ELL2: variants seen among roughly 807,000 people sequenced by gnomAD.
ELL2 encodes RNA polymerase II elongation factor ELL2.
ELL2 carries 21 observed loss-of-function variants against 72.8 expected under a neutral mutation model. The ratio of observed to expected loss-of-function variants is 0.29; its 90% CI spans 0.20 to 0.42. ELL2 has a LOEUF of 0.42. Ranked by LOEUF, ELL2 falls within the 10% of genes least tolerant of loss-of-function variation. ELL2 has a pLI of 1.00. For synonymous variants in ELL2, 266 were observed against 283.2 expected (o/e 0.94, Z 0.61); for missense variants, 568 against 772.8 (o/e 0.73, Z 3.14).
intron 2 of ELL2, among the ~76,000 whole-genome samples, chr5:95,927,308 T>C (rs987062155): frequency 6.7e-6 from 1 of 149,664 alleles, no homozygotes; most frequent in African/African-American, 2.5e-5. Flanking sequence ...CAAGGATGAC[T>C]CCAGGGTATT....
At chr5:95,961,187 C>T (rs1242012682) in intron 1 of ELL2, among the ~76,000 whole-genome samples, 1 of 152,096 alleles carries the variant, frequency 6.6e-6, no homozygotes, top group African/African-American at 2.4e-5. Flanking sequence ...CTTGCCCATA[C>T]GCTGCTCGCT....
In ELL2 at chr5:95,961,708, C is replaced by A; in HGVS notation, c.14G>T (p.Gly5Val). The A allele has an allele frequency of 6.2e-7, 1 of 1,605,484 alleles. No individual in the cohort carries two copies. The highest frequency in any genetic ancestry group is 1.7e-5 in the Admixed American group (1 of 59,312). The change falls in exon 1 of 12, where the codon GGG (glycine) becomes GTG (valine). Residue 5 changes from glycine (G) to valine (V), a missense_variant. Around this residue, in one of 2 missense-constraint regions of ELL2, gnomAD observed 57 missense variants for 44.4 expected, o/e 1.28. Transcript: ENST00000237853. Reference sequence around the variant, plus strand: ...CTGCTCCTCCCGCAGGCCCCCTGTCCCCCCCGCCGCCATCTTAAACTCCCC... The same window carrying A: ...CTGCTCCTCCCGCAGGCCCCCTGTCACCCCCGCCGCCATCTTAAACTCCCC... MAAG[G>V]TGGLREEQRY...
chr5:95,919,640 T>G, intron 2 of ELL2, 95 bp from the exon 3 acceptor site: 1 of 1,417,428 alleles, frequency 7.1e-7, no homozygotes, highest in Non-Finnish European at 9.4e-7. Flanking sequence ...GTGAAAATCA[T>G]TTTAGACCTA....
rs570553516 is a variant in ELL2 at position 95,910,661 on chromosome 5, T to C, written c.481+3110A>G. 7.9e-5 allele frequency among the ~76,000 whole-genome samples: 12 copies of C among 152,254 alleles called. No homozygotes were observed. The East Asian group carries it at 2.3e-3, about 29-fold the overall frequency. ...TGACCCCTAGGAACACAGTCTTCAT[T>C]GCCTCAAACTGGCCTTCCTCCCTAG... On this transcript the variant is annotated intron_variant, in intron 4 of 11. Transcript: ENST00000237853.
intron 8 of ELL2, among the ~76,000 whole-genome samples, chr5:95,896,844 G>A (rs1748895645): frequency 6.6e-6 from 1 of 152,188 alleles, no homozygotes. Context: ...TTGGAACTCT[G>A]ATGTAGATCT....
intron 2 of ELL2, among the ~76,000 whole-genome samples, chr5:95,922,636 T>C (rs1299885341): frequency 6.6e-6 from 1 of 151,664 alleles, no homozygotes; most frequent in East Asian, 1.9e-4. Context: ...CTTTTTAAGG[T>C]AAAATAATTA....
Position 95,931,978 on chromosome 5 carries a change from G to GTTT in ELL2, c.195+11021_195+11023dup, listed in dbSNP as rs10627430. ...ACAGTATTTTAAAGTCTGTGGGGGT[G>GTTT]TTTTTTTTTTTTTGTATCAAGCTAT... On this transcript the variant is annotated intron_variant, in intron 2 of 11. Transcript: ENST00000237853. 1.0e-3 allele frequency among the ~76,000 whole-genome samples: 141 copies of GTTT among 140,762 alleles called. 1 individual carries two copies. The highest frequency in any genetic ancestry group is 3.0e-3 in the African/African-American group (116 of 38,952). The allele number at this position is 140,762 out of a possible 152,430, so 92.3% of individuals were successfully genotyped here. A position where few individuals can be genotyped will look rare whatever the true frequency, so the allele number is the denominator to read the frequency against.
At chr5:95,923,638 C>T (rs1014974647) in intron 2 of ELL2, among the ~76,000 whole-genome samples, 6 of 151,876 alleles carry the variant, frequency 4.0e-5, no homozygotes, top group Non-Finnish European at 7.4e-5. Flanking sequence ...TTGGTAGTTT[C>T]AGAGCAGCAT....
intron 8 of ELL2, 59 bp downstream of exon 8, chr5:95,898,181 A>G: frequency 7.5e-7 from 1 of 1,334,034 alleles, no homozygotes; most frequent in African/African-American, 1.5e-5. Flanking sequence ...CTAATTATAA[A>G]CTGTGTAATT....
At chr5:95,953,756 G>A (rs1450409581) in intron 1 of ELL2, among the ~76,000 whole-genome samples, 1 of 152,232 alleles carries the variant, frequency 6.6e-6, no homozygotes, top group African/African-American at 2.4e-5. Context: ...TAGAGGTAAT[G>A]TGAGGTAATT....
At chr5:95,895,234 G>A (rs1479833898) in intron 9 of ELL2, among the ~76,000 whole-genome samples, 2 of 152,218 alleles carry the variant, frequency 1.3e-5, no homozygotes, top group Non-Finnish European at 2.9e-5. Context: ...GTATTATTAT[G>A]TGCAGAGGTT....
chr5:95,898,356 T>G lies in ELL2; in HGVS notation c.1409A>C (p.Lys470Thr), dbSNP rs745975751. Residue 470 changes from lysine (K) to threonine (T), a missense_variant, in exon 8 of 12, where the codon AAG becomes ACG. This residue lies in a region of ELL2 where 511 missense variants were observed against 728.4 expected (regional missense o/e 0.70). Coordinates refer to ENST00000237853, the MANE Select transcript of ELL2 (RefSeq NM_012081.6). The stretch of plus-strand genomic sequence containing the variant: ...GTGCTTTTTTATTTGGTCCTTTTCC[T>G]TATGTTTTTTAGACTTCTTTTTGGA... ...KKSKKKSKKHKEKDQIKKHDI... is the reference protein window; with the variant it reads ...KKSKKKSKKHTEKDQIKKHDI... 9.6e-5 allele frequency: 155 copies of G among 1,613,582 alleles called. No homozygotes were observed. Among genetic ancestry groups the G allele is most frequent in the Non-Finnish European group, 1.2e-4 (141 of 1,179,878 alleles).
chr5:95,920,647 G>T (rs1461889497), intron 2 of ELL2, among the ~76,000 whole-genome samples: 1 of 151,890 alleles, frequency 6.6e-6, no homozygotes, highest in East Asian at 1.9e-4. Flanking sequence ...TATGTAGTAG[G>T]GGCTCAAAAA....
chr5:95,943,339 T>A (rs1178902805), intron 1 of ELL2, among the ~76,000 whole-genome samples: 1 of 152,120 alleles, frequency 6.6e-6, no homozygotes, highest in Non-Finnish European at 1.5e-5. Context: ...CTCTTTTCAT[T>A]ATATACTTTC....
chr5:95,925,762 G>A (rs1750259149), intron 2 of ELL2, among the ~76,000 whole-genome samples: 1 of 152,092 alleles, frequency 6.6e-6, no homozygotes, highest in African/African-American at 2.4e-5. Context: ...TTTGCTGTGG[G>A]TCTTTTCATA....
chr5:95,960,522 A>C (rs1463070857), intron 1 of ELL2, among the ~76,000 whole-genome samples: 2 of 151,118 alleles, frequency 1.3e-5, no homozygotes, highest in African/African-American at 4.9e-5. Flanking sequence ...GTGTGTGTGT[A>C]TATGTGTGTG....
intron 9 of ELL2, among the ~76,000 whole-genome samples, chr5:95,894,046 T>A (rs1304210394): frequency 6.6e-6 from 1 of 151,696 alleles, no homozygotes; most frequent in Non-Finnish European, 1.5e-5. Flanking sequence ...AGGTCAGGAG[T>A]TCGAGACTAG....
intron 4 of ELL2, among the ~76,000 whole-genome samples, chr5:95,907,296 A>ATATATATATATTTTTTTTTTTTTTTTTT: frequency 8.6e-6 from 1 of 116,522 alleles, no homozygotes; most frequent in African/African-American, 4.1e-5. Context: ...ATATATATAT[A>ATATATATATATTTTTTTTTTTTTTTTTT]TTTTTTTTTT....
At chr5:95,892,537 C>T (rs1182560091) in intron 9 of ELL2, among the ~76,000 whole-genome samples, 2 of 152,190 alleles carry the variant, frequency 1.3e-5, no homozygotes, top group Non-Finnish European at 2.9e-5. Context: ...GTGTTCCTAT[C>T]ATTAATGCAA....
Sources: gnomAD v4.1 joint callset for allele counts (sites outside exome capture counted in the v4.1 genomes callset) on GRCh38, gnomAD v4.1.1 for gene constraint, gnomAD v4.1.1 regional missense constraint, MANE v1.5 for transcripts, NCBI Gene and HGNC (gene_info 2026-07-23, HGNC 2026-07-21) for gene names.